The following GMPS variants were observed in gnomAD, a reference collection of about 807,000 sequenced individuals.
The protein encoded by GMPS is guanosine monophosphate synthase, also known as GMP synthase [glutamine-hydrolyzing].
GMPS carries 15 observed loss-of-function variants against 77.9 expected under a neutral mutation model. That is an observed-to-expected ratio of 0.19 (90% confidence interval 0.13 to 0.30). The LOEUF is 0.30. Ranked by LOEUF, GMPS falls within the 10% of genes least tolerant of loss-of-function variation. The probability of loss-of-function intolerance (pLI) is 1.00; values close to 1 mark genes in which losing one functional copy is unlikely to be tolerated. For missense variants in GMPS, 590 were observed against 838.8 expected (o/e 0.70, Z 3.66); for synonymous variants, 224 against 275.9 (o/e 0.81, Z 1.86).
intron 12 of GMPS, 84 bp from the exon 13 acceptor site, chr3:155,931,681 T>A (rs529049141): frequency 2.5e-5 from 14 of 554,444 alleles, no homozygotes; most frequent in African/African-American, 2.1e-4. Flanking sequence ...TTCTTTTTTT[T>A]TTAAAAAAAA....
intron 2 of GMPS, among the ~76,000 whole-genome samples, chr3:155,895,996 T>G (rs1026514983): frequency 2.0e-5 from 3 of 151,852 alleles, no homozygotes; most frequent in Non-Finnish European, 4.4e-5. Flanking sequence ...TAGCTTCTGT[T>G]TTTTTTGTTT....
chr3:155,926,444 C>T (rs1755456396), intron 12 of GMPS, among the ~76,000 whole-genome samples: 1 of 151,966 alleles, frequency 6.6e-6, no homozygotes, highest in African/African-American at 2.4e-5. Flanking sequence ...TAGTTCAACT[C>T]GAAAATGGTA....
chr3:155,882,420 T>C (rs1271357034), intron 1 of GMPS, among the ~76,000 whole-genome samples: 3 of 152,226 alleles, frequency 2.0e-5, no homozygotes, highest in African/African-American at 7.2e-5. Flanking sequence ...TACATATGTC[T>C]GGTTGTCTGT....
At chr3:155,878,782 C>T (rs1754126538) in intron 1 of GMPS, among the ~76,000 whole-genome samples, 1 of 152,056 alleles carries the variant, frequency 6.6e-6, no homozygotes, top group Non-Finnish European at 1.5e-5. Context: ...TGTCTGCAGG[C>T]TGGAGAACCT....
At chr3:155,872,899 A>T (rs551445462) in intron 1 of GMPS, among the ~76,000 whole-genome samples, 1 of 152,334 alleles carries the variant, frequency 6.6e-6, no homozygotes, top group South Asian at 2.1e-4. Context: ...ACAAACCATA[A>T]CATGCCAGTG....
Position 155,936,498 on chromosome 3 carries a change from G to A in GMPS, c.1968G>A (p.Glu656=), listed in dbSNP as rs1189993539. The change falls in exon 15 of 16, where the codon GAG becomes GAA. Residue 656 remains glutamate (E), a synonymous_variant. Coordinates refer to ENST00000496455, the MANE Select transcript of GMPS (RefSeq NM_003875.3). ...MTGIPATPGN[E]IPVEVVLKMV... ...GTATACCTGCAACACCTGGCAATGA[G>A]ATCCCTGTAGAGGTAATTTATATAT... 6.3e-7 allele frequency: 1 copy of A among 1,592,724 alleles called. No homozygotes were observed. The highest frequency in any genetic ancestry group is 1.7e-5 in the Admixed American group (1 of 59,964).
At chr3:155,884,947 G>A (rs983139184) in intron 1 of GMPS, among the ~76,000 whole-genome samples, 7 of 152,184 alleles carry the variant, frequency 4.6e-5, no homozygotes, top group Non-Finnish European at 8.8e-5. Context: ...GCCCCTTGTA[G>A]ATAGGGTAGA....
At chr3:155,888,690 A>AC (rs1014088062) in intron 1 of GMPS, among the ~76,000 whole-genome samples, 2 of 151,792 alleles carry the variant, frequency 1.3e-5, no homozygotes, top group Admixed American at 1.3e-4. Flanking sequence ...GGTTTGAGCA[A>AC]TTCTCCTGCC....
chr3:155,882,780 G>C (rs1754241089), intron 1 of GMPS, among the ~76,000 whole-genome samples: 1 of 152,178 alleles, frequency 6.6e-6, no homozygotes, highest in Admixed American at 6.5e-5. Context: ...ACTGGTAACA[G>C]TTTGCTTAAA....
chr3:155,928,229 G>C (rs1256253890), intron 12 of GMPS, among the ~76,000 whole-genome samples: 1 of 151,660 alleles, frequency 6.6e-6, no homozygotes, highest in Admixed American at 6.6e-5. Context: ...GTTTCACCAC[G>C]TTGCCCAGGT....
rs1754875010 is a variant in GMPS at position 155,906,108 on chromosome 3, G to T, written c.423-52G>T. 7 of 1,062,528 alleles carry T rather than the reference G, an allele frequency of 6.6e-6. No individual in the cohort carries two copies. In the Admixed American group the frequency reaches 9.0e-5, roughly 14 times the overall value. 65.8% of individuals were successfully genotyped at this position (1,062,528 alleles called of 1,614,324 possible). On this transcript the variant is annotated intron_variant, in intron 4 of 15. Coordinates refer to ENST00000496455, the MANE Select transcript of GMPS (RefSeq NM_003875.3). Reference sequence around the variant, plus strand: ...GTGTTTCTAAAACAAAAGAACCCATGAATCATGTTTTTAATTAAGATATTT... The same window carrying T: ...GTGTTTCTAAAACAAAAGAACCCATTAATCATGTTTTTAATTAAGATATTT...
At chr3:155,918,845 G>A (rs1198671708) in intron 9 of GMPS, among the ~76,000 whole-genome samples, 1 of 152,036 alleles carries the variant, frequency 6.6e-6, no homozygotes, top group Non-Finnish European at 1.5e-5. Context: ...TATACGACTT[G>A]CAAATGTCTT....
chr3:155,916,603 T>A (rs1310955654), intron 9 of GMPS, among the ~76,000 whole-genome samples: 2 of 152,238 alleles, frequency 1.3e-5, no homozygotes, highest in Non-Finnish European at 2.9e-5. Context: ...AGAACTTTAT[T>A]CCTATTTATT....
rs997887717 is a variant in GMPS, at chr3:155,939,631, T to A, written c.*1939T>A. ...AAATTAGTGTTTTCCTGATATTTGT[T>A]TTTTGAACACCTTTTATATAATCCC... is the stretch of plus-strand genomic sequence containing the variant. On this transcript the variant is annotated 3_prime_UTR_variant, in exon 16 of 16. Coordinates refer to ENST00000496455, the MANE Select transcript of GMPS (RefSeq NM_003875.3). 3.6e-5 allele frequency: 7 copies of A among 195,070 alleles called. No homozygotes were observed. The highest frequency in any genetic ancestry group is 7.5e-5 in the Non-Finnish European group (7 of 93,790). The allele number at this position is 195,070 out of a possible 1,614,324, so 12.1% of individuals were successfully genotyped here.
intron 1 of GMPS, among the ~76,000 whole-genome samples, chr3:155,886,537 C>G (rs1414303665): frequency 7.0e-6 from 1 of 142,364 alleles, no homozygotes; most frequent in Non-Finnish European, 1.5e-5. Context: ...CCACTGCACT[C>G]TAGCCCGGGC....
At chr3:155,890,808 C>T (rs1754446133) in intron 1 of GMPS, among the ~76,000 whole-genome samples, 1 of 152,182 alleles carries the variant, frequency 6.6e-6, no homozygotes, top group Non-Finnish European at 1.5e-5. Context: ...GTCAGCCTTG[C>T]CACAGTCAGC....
intron 8 of GMPS, among the ~76,000 whole-genome samples, chr3:155,914,812 G>T (rs1050125274): frequency 1.0e-3 from 153 of 151,540 alleles, no homozygotes; most frequent in Non-Finnish European, 8.3e-4. Context: ...TCACCAGGCT[G>T]GGCTGGAGTG....
At chr3:155,922,584 G>A (rs574636454) in intron 11 of GMPS, among the ~76,000 whole-genome samples, 1 of 152,268 alleles carries the variant, frequency 6.6e-6, no homozygotes, top group Admixed American at 6.5e-5. Context: ...CTTTGAGTCA[G>A]GAATTTATTG....
chr3:155,910,362 A>C (rs1383544897), intron 5 of GMPS, among the ~76,000 whole-genome samples: 2 of 152,122 alleles, frequency 1.3e-5, no homozygotes, highest in African/African-American at 4.8e-5. Context: ...TGAGGCCAGG[A>C]GTTTGAGGCC....
Sources: gnomAD v4.1 joint callset for allele counts (sites outside exome capture counted in the v4.1 genomes callset) on GRCh38, gnomAD v4.1.1 for gene constraint, MANE v1.5 for transcripts, NCBI Gene and HGNC (gene_info 2026-07-23, HGNC 2026-07-21) for gene names.